BPIFA1: variants seen among roughly 807,000 people sequenced by gnomAD.
BPIFA1 encodes the protein BPI fold containing family A member 1, also known as BPI fold-containing family A member 1.
In BPIFA1, 24 loss-of-function variants were observed where a neutral mutation model predicts 25.1. The observed-to-expected ratio is 0.96, with a 90% CI of 0.69 to 1.35. BPIFA1 has a LOEUF of 1.35. Among genes scored for constraint, BPIFA1 ranks in the 40% most tolerant of loss-of-function variants. BPIFA1 has a pLI of 0.00. For synonymous variants in BPIFA1, 139 were observed against 131.8 expected (o/e 1.05, Z -0.37); for missense variants, 344 against 303.7 (o/e 1.13, Z -0.99).
Position 33,242,540 on chromosome 20 carries a change from G to A in BPIFA1, c.*13G>A. On this transcript the variant is annotated 3_prime_UTR_variant, in exon 8 of 9. Coordinates refer to ENST00000354297, the MANE Select transcript of BPIFA1 (RefSeq NM_130852.3). ...CATCAAGGTCTAAGCCTTCCAGGAA[G>A]GGGCTGGCCTCTGCTGAGCTGGTAA... 6.2e-7 allele frequency: 1 copy of A among 1,613,886 alleles called. No individual in the cohort carries two copies. The highest frequency in any genetic ancestry group is 1.1e-5 in the South Asian group (1 of 91,072).
Position 33,237,739 on chromosome 20 carries a change from T to C in BPIFA1, c.28T>C (p.Phe10Leu). Residue 10 changes from phenylalanine to leucine, a missense_variant, in exon 2 of 9, where the codon TTC (phenylalanine) becomes CTC (leucine). Phe to Leu is a conservative substitution (Grantham distance 22). Transcript: ENST00000354297. Reference sequence around the variant, plus strand: ...GTTTCAAACTGGGGGCCTCATTGTCTTCTACGGGCTGTTAGCCCAGACCAT... The same window carrying C: ...GTTTCAAACTGGGGGCCTCATTGTCCTCTACGGGCTGTTAGCCCAGACCAT... MFQTGGLIV[F>L]YGLLAQTMAQ... 1 of 1,489,652 alleles carries C rather than the reference T, an allele frequency of 6.7e-7. No homozygotes were observed. The highest frequency in any genetic ancestry group is 1.4e-5 in the South Asian group (1 of 69,238). 92.3% of individuals were successfully genotyped at this position (1,489,652 alleles called of 1,614,324 possible).
Position 33,237,865 on chromosome 20 carries a change from A to T in BPIFA1, c.154A>T (p.Thr52Ser). 1 of 1,572,080 alleles carries T rather than the reference A, an allele frequency of 6.4e-7. No individual in the cohort carries two copies. The highest frequency in any genetic ancestry group is 8.6e-7 in the Non-Finnish European group (1 of 1,160,602). The stretch of plus-strand genomic sequence containing the variant: ...TCCCACAGGTCTTGCAGGAAGCTTG[A>T]CAAATGGTGAGTTTTCAGGGGTGTA... ...LSPTGLAGSL[T>S]NALSNGLLSG... is the part of the protein sequence containing the mutation. Residue 52 changes from threonine (T) to serine (S), a missense_variant, in exon 2 of 9, where the codon ACA becomes TCA. Thr to Ser is a moderately conservative substitution (Grantham distance 58). Coordinates refer to ENST00000354297, the MANE Select transcript of BPIFA1 (RefSeq NM_130852.3).
intron 3 of BPIFA1, 129 bp downstream of exon 3, chr20:33,238,343 G>T: frequency 9.0e-7 from 1 of 1,116,770 alleles, no homozygotes; most frequent in Non-Finnish European, 1.3e-6. Flanking sequence ...ATGGAGCCAG[G>T]ACTCAGTTCT....
Position 33,237,715 on chromosome 20 carries a change from T to A in BPIFA1, c.4T>A (p.Phe2Ile). The change falls in exon 2 of 9, where the codon TTT (phenylalanine) becomes ATT (isoleucine). Residue 2 changes from phenylalanine to isoleucine, a missense_variant. Coordinates refer to ENST00000354297, the MANE Select transcript of BPIFA1 (RefSeq NM_130852.3). M[F>I]QTGGLIVFYG... ...GCCACAGATACTAAGAGCAAAGATG[T>A]TTCAAACTGGGGGCCTCATTGTCTT... 2 of 1,459,506 alleles carry A rather than the reference T, an allele frequency of 1.4e-6. No individual in the cohort carries two copies. The allele number at this position is 1,459,506 out of a possible 1,614,324, so 90.4% of individuals were successfully genotyped here. A position where few individuals can be genotyped will look rare whatever the true frequency, so the allele number is the denominator to read the frequency against.
In BPIFA1 at chr20:33,237,802, A is replaced by G. The variant is rs529335344; in HGVS notation, c.91A>G (p.Thr31Ala). 4.4e-6 allele frequency: 7 copies of G among 1,603,482 alleles called. No homozygotes were observed. The highest frequency in any genetic ancestry group is 2.2e-5 in the East Asian group (1 of 44,614). The change falls in exon 2 of 9, where the codon ACC becomes GCC. Residue 31 changes from threonine (T) to alanine (A), a missense_variant. Thr to Ala is a moderately conservative substitution (Grantham distance 58). Coordinates refer to ENST00000354297, the MANE Select transcript of BPIFA1 (RefSeq NM_130852.3). ...AGGCCTGCCCGTGCCCCTGGACCAG[A>G]CCCTGCCCTTGAATGTGAATCCAGC... Reference protein sequence around the residue: ...FGGLPVPLDQTLPLNVNPALP... With the variant: ...FGGLPVPLDQALPLNVNPALP...
chr20:33,239,164 T>TG (rs1357077793), intron 3 of BPIFA1, among the ~76,000 whole-genome samples: 1 of 151,936 alleles, frequency 6.6e-6, no homozygotes, highest in African/African-American at 2.4e-5. Context: ...GACAACAGGG[T>TG]GTGATGATGG....
intron 3 of BPIFA1, among the ~76,000 whole-genome samples, 170 bp from the exon 4 acceptor site, chr20:33,239,633 A>G (rs6141899): frequency 0.34 from 52,125 of 152,068 alleles, 11,493 homozygotes; most frequent in African/African-American, 0.63. Flanking sequence ...GAAAAGACCT[A>G]GTGTGTGACT....
At chr20:33,236,623 C>T (rs1667439966) in intron 1 of BPIFA1, among the ~76,000 whole-genome samples, 1 of 152,204 alleles carries the variant, frequency 6.6e-6, no homozygotes, top group Non-Finnish European at 1.5e-5. Context: ...CTCTGGACAA[C>T]TCTGCTGGCT....
chr20:33,237,921 T>A, intron 2 of BPIFA1, 50 bp downstream of exon 2: 1 of 1,440,080 alleles, frequency 6.9e-7, no homozygotes, highest in Non-Finnish European at 9.3e-7. Flanking sequence ...TGTGTGTGTG[T>A]GTGTGTGTGT....
At chr20:33,240,036 C>T in intron 4 of BPIFA1, 126 bp downstream of exon 4, 1 of 1,325,470 alleles carries the variant, frequency 7.5e-7, no homozygotes, top group Non-Finnish European at 1.1e-6. Context: ...TCATTTGCTG[C>T]TATGCTAAGT....
In BPIFA1 at chr20:33,238,252, G is replaced by A. The variant is rs1555794221; in HGVS notation, c.320+38G>A. ...AAAATAGAGCTTTGATCTCCACCAG[G>A]GAACCCCAGGTGAAGATCTGCCAGC... is the stretch of plus-strand genomic sequence containing the variant. On this transcript the variant is annotated intron_variant, in intron 3 of 8. Transcript: ENST00000354297. 28 of 1,577,920 alleles carry A rather than the reference G, an allele frequency of 1.8e-5. No individual in the cohort carries two copies. The South Asian group carries it at 3.2e-4, about 18-fold the overall frequency.
At chr20:33,240,098 C>T (rs1978886552) in intron 4 of BPIFA1, 135 bp from the exon 5 acceptor site, 2 of 1,443,982 alleles carry the variant, frequency 1.4e-6, no homozygotes, top group African/African-American at 1.4e-5. Context: ...TTTGTTTCTC[C>T]TGCTAGAAAA....
intron 3 of BPIFA1, 28 bp downstream of exon 3, chr20:33,238,242 T>C: frequency 6.3e-7 from 1 of 1,593,098 alleles, no homozygotes; most frequent in Non-Finnish European, 8.6e-7. Context: ...AGAGCTTTGA[T>C]CTCCACCAGG....
Position 33,239,160 on chromosome 20 carries a change from A to G in BPIFA1, c.321-643A>G, listed in dbSNP as rs1171666729. Among the ~76,000 whole-genome samples, 3 of 152,198 alleles carry G rather than the reference A, an allele frequency of 2.0e-5. No individual in the cohort carries two copies. The East Asian group carries it at 5.8e-4, about 29-fold the overall frequency. The stretch of plus-strand genomic sequence containing the variant: ...AGGCCTGGCTTCTCCTGGAGACAAC[A>G]GGGTGTGATGATGGATGGATGGTTG... On this transcript the variant is annotated intron_variant, in intron 3 of 8. Transcript: ENST00000354297.
At chr20:33,238,247 A>G in intron 3 of BPIFA1, 33 bp downstream of exon 3, 4 of 1,582,916 alleles carry the variant, frequency 2.5e-6, no homozygotes, top group Non-Finnish European at 3.4e-6. Context: ...TTTGATCTCC[A>G]CCAGGGAACC....
chr20:33,237,761 C>T lies in BPIFA1; in HGVS notation c.50C>T (p.Thr17Ile). 1 of 1,578,324 alleles carries T rather than the reference C, an allele frequency of 6.3e-7. No homozygotes were observed. Among genetic ancestry groups the T allele is most frequent in the African/African-American group, 1.4e-5 (1 of 73,836 alleles). The change falls in exon 2 of 9, where the codon ACC becomes ATC. Residue 17 changes from threonine (T) to isoleucine (I), a missense_variant. Coordinates refer to ENST00000354297, the MANE Select transcript of BPIFA1 (RefSeq NM_130852.3). Reference protein sequence around the residue: ...LIVFYGLLAQTMAQFGGLPVP... With the variant: ...LIVFYGLLAQIMAQFGGLPVP... ...GTCTTCTACGGGCTGTTAGCCCAGA[C>T]CATGGCCCAGTTTGGAGGCCTGCCC...
chr20:33,238,259 C>A, intron 3 of BPIFA1, 45 bp downstream of exon 3: 1 of 1,570,584 alleles, frequency 6.4e-7, no homozygotes, highest in East Asian at 2.3e-5. Flanking sequence ...CAGGGAACCC[C>A]AGGTGAAGAT....
At chr20:33,239,030 G>C (rs1167946839) in intron 3 of BPIFA1, among the ~76,000 whole-genome samples, 1 of 152,206 alleles carries the variant, frequency 6.6e-6, no homozygotes. Context: ...CACAGAGAAA[G>C]TGTATTGTGA....
At chr20:33,236,544 G>C (rs1473184513) in intron 1 of BPIFA1, among the ~76,000 whole-genome samples, 1 of 152,120 alleles carries the variant, frequency 6.6e-6, no homozygotes, top group Non-Finnish European at 1.5e-5. Flanking sequence ...AGCTTTAGCT[G>C]AGTCAGCCAA....
Sources: gnomAD v4.1 joint callset for allele counts (sites outside exome capture counted in the v4.1 genomes callset) on GRCh38, gnomAD v4.1.1 for gene constraint, MANE v1.5 for transcripts, NCBI Gene and HGNC (gene_info 2026-07-23, HGNC 2026-07-21) for gene names.